Variants in CEP128 observed in about 807,000 individuals in gnomAD.
CEP128 encodes centrosomal protein 128, also known as centrosomal protein 128kDa.
In CEP128, 132 loss-of-function variants were observed where a neutral mutation model predicts 156.7. The ratio of observed to expected loss-of-function variants is 0.84; its 90% CI spans 0.73 to 0.97. The LOEUF is 0.97. Among genes scored for constraint, CEP128 ranks in the 50% least tolerant of loss-of-function variants. CEP128 has a pLI of 0.00. For synonymous variants in CEP128, 469 were observed against 448.9 expected (o/e 1.04, Z -0.57); for missense variants, 1,252 against 1,281.9 (o/e 0.98, Z 0.36).
At chr14:80,684,991 G>A (rs1038507642) in intron 19 of CEP128, among the ~76,000 whole-genome samples, 3 of 151,984 alleles carry the variant, frequency 2.0e-5, no homozygotes, top group South Asian at 2.1e-4. Context: ...AGTCAACATC[G>A]TGCAGAATGG....
chr14:80,654,982 T>C (rs958203207), intron 19 of CEP128, among the ~76,000 whole-genome samples: 1 of 152,180 alleles, frequency 6.6e-6, no homozygotes, highest in Admixed American at 6.5e-5. Context: ...TTTCTCCAAG[T>C]ATCATAACTC....
chr14:80,821,655 C>A (rs1885191426), intron 13 of CEP128, among the ~76,000 whole-genome samples: 1 of 142,788 alleles, frequency 7.0e-6, no homozygotes, highest in African/African-American at 2.6e-5. Flanking sequence ...GCACACAAAG[C>A]TAAGAATCAC....
chr14:80,528,708 C>T (rs562840653), intron 22 of CEP128, among the ~76,000 whole-genome samples: 3 of 152,292 alleles, frequency 2.0e-5, no homozygotes, highest in South Asian at 4.1e-4. Flanking sequence ...TCAAGAAATA[C>T]GTATATAGGA....
chr14:80,811,848 G>GATAGATAGATA (rs1555350886), intron 13 of CEP128, among the ~76,000 whole-genome samples: 34 of 18,814 alleles, frequency 1.8e-3, no homozygotes, highest in Admixed American at 2.9e-3. Flanking sequence ...ATAGATAGAT[G>GATAGATAGATA]ATAACAGTCC....
intron 13 of CEP128, among the ~76,000 whole-genome samples, chr14:80,794,184 C>T (rs919671979): frequency 4.6e-5 from 7 of 152,132 alleles, no homozygotes; most frequent in Admixed American, 1.3e-4. Context: ...AAGGTCCGGA[C>T]AAATGAAACT....
Position 80,761,507 on chromosome 14 carries a change from A to C in CEP128, c.2483T>G (p.Leu828Arg). The change falls in exon 17 of 25, where the codon CTT becomes CGT. Residue 828 changes from leucine (L) to arginine (R), a missense_variant. Leu to Arg is a moderately radical substitution (Grantham distance 102). Coordinates refer to ENST00000555265, the MANE Select transcript of CEP128 (RefSeq NM_152446.5). ...LCLETEQESI[L>R]GVIGKEIDAA... ...ATCAATTTCCTTTCCTATCACACCA[A>C]GAATGGATTCCTGTTCAGTCTCCAA... 6.2e-7 allele frequency: 1 copy of C among 1,612,846 alleles called. No individual in the cohort carries two copies. Among genetic ancestry groups the C allele is most frequent in the Non-Finnish European group, 8.5e-7 (1 of 1,179,094 alleles).
At chr14:80,493,320 T>G (rs1478956007), downstream of CEP128, among the ~76,000 whole-genome samples, 3 of 152,214 alleles carry the variant, frequency 2.0e-5, no homozygotes, top group Non-Finnish European at 2.9e-5. Context: ...GGCTCTGTTT[T>G]GACTACAGTA....
chr14:80,885,177 A>C (rs1888737186), intron 8 of CEP128, among the ~76,000 whole-genome samples: 1 of 152,146 alleles, frequency 6.6e-6, no homozygotes, highest in Non-Finnish European at 1.5e-5. Flanking sequence ...GCACCTGGGG[A>C]AAGGGGTGGC....
intron 20 of CEP128, 63 bp downstream of exon 20, chr14:80,580,311 G>A (rs1208389087): frequency 2.9e-6 from 3 of 1,035,672 alleles, no homozygotes; most frequent in Admixed American, 1.7e-5. Context: ...CAATAATAAA[G>A]GATAAAAGAG....
intron 14 of CEP128, among the ~76,000 whole-genome samples, chr14:80,788,288 CTTTTTTTTTT>C (rs10628361): frequency 1.0e-5 from 1 of 97,256 alleles, no homozygotes; most frequent in Admixed American, 1.3e-4. Context: ...TGGCCAGGAT[CTTTTTTTTTT>C]TTTTTTTTTT....
At chr14:80,715,939 T>C (rs1897587185) in intron 19 of CEP128, among the ~76,000 whole-genome samples, 1 of 152,198 alleles carries the variant, frequency 6.6e-6, no homozygotes, top group Non-Finnish European at 1.5e-5. Flanking sequence ...ACTTTTTCAT[T>C]AGCATTAATA....
intron 13 of CEP128, among the ~76,000 whole-genome samples, chr14:80,809,710 A>T (rs1884395266): frequency 6.6e-6 from 1 of 152,136 alleles, no homozygotes; most frequent in Non-Finnish European, 1.5e-5. Flanking sequence ...ATGGGAAGAT[A>T]TATTTGAGGT....
At chr14:80,558,643 G>C (rs201108351) in intron 21 of CEP128, among the ~76,000 whole-genome samples, 1 of 151,916 alleles carries the variant, frequency 6.6e-6, no homozygotes, top group Admixed American at 6.6e-5. Context: ...GGCTGGTCTC[G>C]AACTCCTGAC....
chr14:80,833,725 C>T (rs1457052341), intron 12 of CEP128, among the ~76,000 whole-genome samples: 1 of 151,870 alleles, frequency 6.6e-6, no homozygotes, highest in Non-Finnish European at 1.5e-5. Flanking sequence ...ACAGAGAAGC[C>T]AGAATAGGTA....
chr14:80,693,246 C>T (rs577839325), intron 19 of CEP128, among the ~76,000 whole-genome samples: 37 of 152,184 alleles, frequency 2.4e-4, no homozygotes, highest in Non-Finnish European at 4.3e-4. Flanking sequence ...TTTTCAAGTC[C>T]CCTGTAAAAA....
chr14:80,773,992 C>T (rs998273252), intron 16 of CEP128, among the ~76,000 whole-genome samples: 1 of 152,112 alleles, frequency 6.6e-6, no homozygotes, highest in Non-Finnish European at 1.5e-5. Flanking sequence ...GCATAACACT[C>T]GTTCTCTTTG....
chr14:80,488,585 A>G (rs912546640), downstream of CEP128, among the ~76,000 whole-genome samples: 1 of 152,040 alleles, frequency 6.6e-6, no homozygotes, highest in African/African-American at 2.4e-5. Flanking sequence ...GTGATTCCTC[A>G]GGGATCTAGA....
At chr14:80,847,414 T>C (rs940130073) in intron 9 of CEP128, among the ~76,000 whole-genome samples, 3 of 152,172 alleles carry the variant, frequency 2.0e-5, no homozygotes, top group African/African-American at 4.8e-5. Flanking sequence ...TATTTCATCT[T>C]TGCAAAGAAA....
chr14:80,482,036 TGGGTGGG>T (rs1887064055), intron 14 of CEP128, among the ~76,000 whole-genome samples: 2 of 152,244 alleles, frequency 1.3e-5, no homozygotes, highest in African/African-American at 4.8e-5. Flanking sequence ...AAATATAGTT[TGGGTGGG>T]AGAATCGCTT....
Sources: gnomAD v4.1 joint callset for allele counts (sites outside exome capture counted in the v4.1 genomes callset) on GRCh38, gnomAD v4.1.1 for gene constraint, MANE v1.5 for transcripts, NCBI Gene and HGNC (gene_info 2026-07-23, HGNC 2026-07-21) for gene names.